OCIAD1: variants seen among roughly 807,000 people sequenced by gnomAD.
The protein encoded by OCIAD1 is OCIA domain-containing protein 1.
In OCIAD1, 29 loss-of-function variants were observed where a neutral mutation model predicts 38.9. That is an observed-to-expected ratio of 0.74 (90% CI 0.55 to 1.02). The LOEUF is 1.02. Ranked by LOEUF, OCIAD1 falls within the 50% of genes least tolerant of loss-of-function variation. The pLI is 0.00. For synonymous variants in OCIAD1, 110 were observed against 92.0 expected, an observed-to-expected ratio of 1.20 and a Z score of -1.12; for missense variants, 288 against 289.6, an observed-to-expected ratio of 0.99 and a Z score of 0.04.
chr4:48,825,653 G>A (rs1777242978), intron 1 of OCIAD1, among the ~76,000 whole-genome samples: 1 of 152,182 alleles, frequency 6.6e-6, no homozygotes, highest in African/African-American at 2.4e-5. Flanking sequence ...CAAAGGCTGA[G>A]TGAGTGAATC....
At chr4:48,808,919 AGAGT>A (rs573652277) in intron 1 of OCIAD1, among the ~76,000 whole-genome samples, 59 of 152,238 alleles carry the variant, frequency 3.9e-4, no homozygotes, top group African/African-American at 1.4e-3. Flanking sequence ...ACCAAACCTG[AGAGT>A]CATTCTTGTC....
chr4:48,853,614 T>C (rs1779735956), intron 7 of OCIAD1, among the ~76,000 whole-genome samples: 1 of 151,674 alleles, frequency 6.6e-6, no homozygotes, highest in Non-Finnish European at 1.5e-5. Context: ...CAGAAGGGGG[T>C]TCTAGGTAGG....
At chr4:48,829,444 C>T (rs1157250754), upstream of OCIAD1, among the ~76,000 whole-genome samples, 2 of 152,016 alleles carry the variant, frequency 1.3e-5, no homozygotes, top group Non-Finnish European at 2.9e-5. Flanking sequence ...TGATCATGTG[C>T]CAATCACTGA....
At position 48,860,871 on chromosome 4, in the gene OCIAD1, A is replaced by C; in HGVS notation, c.*109A>C. ...CAGCAGTCTTCATAAACACATTTAA[A>C]ACAAGATCCTGGGTTTTTGTGGTTT... On this transcript the variant is annotated 3_prime_UTR_variant, in exon 9 of 9. Coordinates refer to ENST00000264312, the MANE Select transcript of OCIAD1 (RefSeq NM_017830.4). The C allele has an allele frequency of 1.2e-6, 1 of 811,094 alleles. No homozygotes were observed. Among genetic ancestry groups the C allele is most frequent in the Non-Finnish European group, 2.1e-6 (1 of 477,878 alleles). The allele number at this position is 811,094 out of a possible 1,614,324, so 50.2% of individuals were successfully genotyped here.
At chr4:48,851,363 T>C (rs1779439962) in intron 6 of OCIAD1, among the ~76,000 whole-genome samples, 1 of 152,224 alleles carries the variant, frequency 6.6e-6, no homozygotes, top group Admixed American at 6.5e-5. Context: ...GAAACAGACC[T>C]CATTTTACTG....
At chr4:48,828,500 T>A (rs983028780), upstream of OCIAD1, among the ~76,000 whole-genome samples, 9 of 152,186 alleles carry the variant, frequency 5.9e-5, no homozygotes, top group African/African-American at 2.2e-4. Context: ...TTGCAATAAA[T>A]CTTGCTGCTG....
Position 48,850,053 on chromosome 4 carries a change from A to G in OCIAD1, c.348A>G (p.Ser116=), listed in dbSNP as rs781211184. ...CCCCCCTTGGAGAAGCTTTACGATC[A>G]GGACAAGCACGACGATCTTCACCAC... ...ENSPLGEALR[S]GQARRSSPPG... The change falls in exon 6 of 9, where the codon TCA becomes TCG. Residue 116 remains serine (S), a synonymous_variant. Coordinates refer to ENST00000264312, the MANE Select transcript of OCIAD1 (RefSeq NM_017830.4). The G allele has an allele frequency of 6.2e-7, 1 of 1,611,622 alleles. No individual in the cohort carries two copies. The highest frequency in any genetic ancestry group is 8.5e-7 in the Non-Finnish European group (1 of 1,179,442).
intron 7 of OCIAD1, among the ~76,000 whole-genome samples, chr4:48,855,353 A>C (rs182504881): frequency 6.6e-6 from 1 of 152,208 alleles, no homozygotes; most frequent in Non-Finnish European, 1.5e-5. Flanking sequence ...AATGAAATGC[A>C]AAGTGTTTTA....
intron 7 of OCIAD1, among the ~76,000 whole-genome samples, chr4:48,854,785 A>G (rs769494341): frequency 4.6e-5 from 7 of 152,198 alleles, no homozygotes; most frequent in South Asian, 4.1e-4. Context: ...CCCAGATGCT[A>G]TCCTCCCCTA....
At chr4:48,848,895 A>G (rs989184327) in intron 5 of OCIAD1, among the ~76,000 whole-genome samples, 3 of 152,204 alleles carry the variant, frequency 2.0e-5, no homozygotes, top group African/African-American at 7.2e-5. Context: ...AAAAGAAGCT[A>G]CATTGCCCAT....
intron 3 of OCIAD1, among the ~76,000 whole-genome samples, chr4:48,836,503 A>T (rs1348516586): frequency 1.3e-5 from 2 of 152,232 alleles, no homozygotes; most frequent in Admixed American, 1.3e-4. Context: ...AAACAAAAGC[A>T]TACATGAAAA....
At chr4:48,829,760 A>G (rs1777334546), upstream of OCIAD1, among the ~76,000 whole-genome samples, 1 of 152,198 alleles carries the variant, frequency 6.6e-6, no homozygotes, top group Admixed American at 6.5e-5. Context: ...GAACAAAATG[A>G]GTATTAGTTA....
chr4:48,848,812 G>T (rs1393530411), intron 5 of OCIAD1: 1 of 156,000 alleles, frequency 6.4e-6, no homozygotes, highest in East Asian at 1.8e-4. Context: ...ATTTTTAAAA[G>T]AAATCTCTCT....
At chr4:48,845,735 G>A (rs1001438698) in intron 4 of OCIAD1, among the ~76,000 whole-genome samples, 1 of 152,144 alleles carries the variant, frequency 6.6e-6, no homozygotes, top group Non-Finnish European at 1.5e-5. Context: ...CTTCATGACT[G>A]AGTGGTGTTA....
intron 1 of OCIAD1, among the ~76,000 whole-genome samples, chr4:48,816,835 G>A (rs1428744984): frequency 1.3e-5 from 2 of 152,038 alleles, no homozygotes; most frequent in Non-Finnish European, 2.9e-5. Flanking sequence ...GCTGGGCATG[G>A]TGGCACACAC....
At chr4:48,835,946 C>G (rs931588260) in intron 3 of OCIAD1, among the ~76,000 whole-genome samples, 1 of 152,236 alleles carries the variant, frequency 6.6e-6, no homozygotes, top group Non-Finnish European at 1.5e-5. Context: ...AACTTCATCT[C>G]TGCTGGAGCG....
intron 1 of OCIAD1, 151 bp downstream of exon 1, chr4:48,831,400 T>C: frequency 1.1e-6 from 1 of 912,668 alleles, no homozygotes; most frequent in South Asian, 1.4e-5. Flanking sequence ...TGAGTGCCGG[T>C]GACTGCGGGA....
At position 48,857,926 on chromosome 4, in the gene OCIAD1, G is replaced by A. The variant is rs1560443492; in HGVS notation, c.700+561G>A. Among the ~76,000 whole-genome samples, 4 of 152,218 alleles carry A rather than the reference G, an allele frequency of 2.6e-5. 1 individual carries two copies. In the East Asian group the frequency reaches 7.7e-4, roughly 29 times the overall value. On this transcript the variant is annotated intron_variant, in intron 8 of 8. Coordinates refer to ENST00000264312, the MANE Select transcript of OCIAD1 (RefSeq NM_017830.4). ...CCCAGCACTTTGGGAGACCAAGCTGGGTGTATCACTTGAGGCCAGGAATTG... is the reference window on the plus strand; with the variant it reads ...CCCAGCACTTTGGGAGACCAAGCTGAGTGTATCACTTGAGGCCAGGAATTG...
chr4:48,819,740 A>AAAAAAAAAAAAAAAAAAG (rs1381189214), intron 1 of OCIAD1, among the ~76,000 whole-genome samples: 4 of 145,554 alleles, frequency 2.7e-5, no homozygotes, highest in Non-Finnish European at 4.6e-5. Context: ...AAAAAAAAAA[A>AAAAAAAAAAAAAAAAAAG]AAAAGGAGGG....
Sources: allele counts gnomAD v4.1 joint callset (sites outside exome capture counted in the v4.1 genomes callset), GRCh38; gene constraint gnomAD v4.1.1; transcripts MANE v1.5; gene names NCBI Gene and HGNC (gene_info 2026-07-23, HGNC 2026-07-21).